The following CACNB2 variants were observed in gnomAD, a reference collection of about 807,000 sequenced individuals.
The protein encoded by CACNB2 is calcium voltage-gated channel auxiliary subunit beta 2, also known as voltage-dependent L-type calcium channel subunit beta-2.
Under a neutral mutation model 73.3 loss-of-function variants are expected in CACNB2, and 42 were observed. That is an observed-to-expected ratio of 0.57 (90% CI 0.45 to 0.74). CACNB2 has a LOEUF of 0.74. Ranked by LOEUF, CACNB2 falls within the 30% of genes least tolerant of loss-of-function variation. The probability of loss-of-function intolerance (pLI) is 0.00; values close to 1 mark genes in which losing one functional copy is unlikely to be tolerated. For synonymous variants in CACNB2, 348 were observed against 310.3 expected (o/e 1.12, Z -1.28); for missense variants, 940 against 853.0 (o/e 1.10, Z -1.27).
At chr10:18,398,537 A>C (rs1167402062) in intron 2 of CACNB2, among the ~76,000 whole-genome samples, 2 of 151,972 alleles carry the variant, frequency 1.3e-5, no homozygotes, top group African/African-American at 4.8e-5. Flanking sequence ...TAGGAATGGG[A>C]GCACATGCTT....
intron 2 of CACNB2, among the ~76,000 whole-genome samples, chr10:18,354,604 T>C (rs1348211823): frequency 2.6e-5 from 4 of 152,192 alleles, no homozygotes; most frequent in Non-Finnish European, 4.4e-5. Flanking sequence ...GTTGTTGTTG[T>C]TGCTGTTTTT....
At chr10:18,487,832 C>T (rs1051128928) in intron 3 of CACNB2, among the ~76,000 whole-genome samples, 1 of 88,582 alleles carries the variant, frequency 1.1e-5, no homozygotes, top group Non-Finnish European at 2.2e-5. Flanking sequence ...GAGCAAGACT[C>T]CATCTCAAAA....
intron 2 of CACNB2, among the ~76,000 whole-genome samples, chr10:18,220,224 T>TAGAGAGAG (rs1474379036): frequency 7.5e-4 from 36 of 48,014 alleles, no homozygotes; most frequent in Non-Finnish European, 1.1e-3. Flanking sequence ...TATATATATA[T>TAGAGAGAG]ATATATATAG....
intron 2 of CACNB2, among the ~76,000 whole-genome samples, chr10:18,348,030 C>T (rs2041540815): frequency 6.6e-6 from 1 of 152,148 alleles, no homozygotes; most frequent in African/African-American, 2.4e-5. Context: ...CCAAATATAA[C>T]AATATAGAAA....
Position 18,478,088 on chromosome 10 carries a change from C to A in CACNB2, c.334-20267C>A, listed in dbSNP as rs568246521. ...CTGGGAATACAGGCAGCGGCCACCA[C>A]GCTTGGCTAATTTTTATATTTTTAG... On this transcript the variant is annotated intron_variant, in intron 3 of 13. Coordinates refer to ENST00000324631, the MANE Select transcript of CACNB2 (RefSeq NM_201596.3). Among the ~76,000 whole-genome samples the A allele has an allele frequency of 1.1e-3, 170 of 152,186 alleles. 2 individuals are homozygous for A. Among genetic ancestry groups the A allele is most frequent in the African/African-American group, 3.9e-3 (162 of 41,520 alleles).
intron 3 of CACNB2, among the ~76,000 whole-genome samples, chr10:18,405,848 CT>C (rs2044258560): frequency 6.6e-6 from 1 of 152,092 alleles, no homozygotes; most frequent in Non-Finnish European, 1.5e-5. Context: ...ATCCCAGCTA[CT>C]TGGGAGGCTG....
intron 1 of CACNB2, among the ~76,000 whole-genome samples, chr10:18,145,258 CTTCAACTACA>C (rs756606666): frequency 7.2e-5 from 11 of 152,236 alleles, no homozygotes; most frequent in Non-Finnish European, 1.6e-4. Flanking sequence ...TCTAGTGGCT[CTTCAACTACA>C]TCAACACTGT....
intron 3 of CACNB2, among the ~76,000 whole-genome samples, chr10:18,407,054 C>G (rs1367226954): frequency 6.9e-6 from 1 of 144,846 alleles, no homozygotes; most frequent in Non-Finnish European, 1.5e-5. Context: ...TGTTTTTCTG[C>G]AGATTTGTGA....
intron 2 of CACNB2, among the ~76,000 whole-genome samples, chr10:18,377,116 CATAA>C (rs2042830990): frequency 6.6e-6 from 1 of 152,124 alleles, no homozygotes; most frequent in Admixed American, 6.6e-5. Flanking sequence ...TCATGTACCA[CATAA>C]ATATATACAC....
Position 18,214,535 on chromosome 10 carries a change from G to C in CACNB2, c.213+63560G>C, listed in dbSNP as rs557959903. On this transcript the variant is annotated intron_variant, in intron 2 of 13. Transcript: ENST00000324631. The stretch of plus-strand genomic sequence containing the variant: ...CCAGCTACTCAGGTGGCTGAGGCAG[G>C]AGAATCGCTTGAACCCAGGAGGCAG... Among the ~76,000 whole-genome samples the C allele has an allele frequency of 2.9e-3, 189 of 66,256 alleles. 49 individuals are homozygous for C. Among genetic ancestry groups the C allele is most frequent in the African/African-American group, 6.2e-3 (176 of 28,256 alleles). 43.5% of individuals were successfully genotyped at this position (66,256 alleles called of 152,430 possible). A position where few individuals can be genotyped will look rare whatever the true frequency, so the allele number is the denominator to read the frequency against.
chr10:18,319,079 C>G lies in CACNB2; in HGVS notation c.214-82845C>G, dbSNP rs541537687. Among the ~76,000 whole-genome samples, 5 of 152,254 alleles carry G rather than the reference C, an allele frequency of 3.3e-5. No homozygotes were observed. The South Asian group carries it at 1.0e-3, about 32-fold the overall frequency. On this transcript the variant is annotated intron_variant, in intron 2 of 13. Transcript: ENST00000324631. ...CTACAACCAGAAATACCATTTGACC[C>G]AGCAATCCCATTACTGGGTATGTAC... is the stretch of plus-strand genomic sequence containing the variant.
chr10:18,341,613 C>T (rs923391885), intron 2 of CACNB2, among the ~76,000 whole-genome samples: 11 of 152,146 alleles, frequency 7.2e-5, no homozygotes, highest in Non-Finnish European at 1.3e-4. Context: ...AAACCCTGAA[C>T]CTAAAACTAA....
At chr10:18,458,135 A>G (rs1288101911) in intron 3 of CACNB2, among the ~76,000 whole-genome samples, 2 of 152,224 alleles carry the variant, frequency 1.3e-5, no homozygotes, top group Non-Finnish European at 2.9e-5. Context: ...TTAAAAATAT[A>G]CAAGTATTTT....
At chr10:18,468,638 T>C (rs2048025243) in intron 3 of CACNB2, among the ~76,000 whole-genome samples, 1 of 152,154 alleles carries the variant, frequency 6.6e-6, no homozygotes, top group Admixed American at 6.5e-5. Flanking sequence ...TTACTCCTGT[T>C]ACCCAGGCTA....
chr10:18,417,201 T>G (rs1456804925), intron 3 of CACNB2, among the ~76,000 whole-genome samples: 2 of 2,466 alleles, frequency 8.1e-4, no homozygotes, highest in Non-Finnish European at 1.6e-3. Context: ...CTTCGTGCAA[T>G]TTTTTTTTGC....
At chr10:18,180,790 C>T (rs2033833249) in intron 2 of CACNB2, among the ~76,000 whole-genome samples, 1 of 151,908 alleles carries the variant, frequency 6.6e-6, no homozygotes, top group Non-Finnish European at 1.5e-5. Flanking sequence ...CATAGTGAAA[C>T]CCCATCTCTA....
At chr10:18,405,072 G>A (rs919666347) in intron 3 of CACNB2, among the ~76,000 whole-genome samples, 2 of 152,182 alleles carry the variant, frequency 1.3e-5, no homozygotes, top group Non-Finnish European at 2.9e-5. Flanking sequence ...AGTAATATAT[G>A]AATGTAATTT....
At chr10:18,451,430 G>C (rs957710114) in intron 3 of CACNB2, among the ~76,000 whole-genome samples, 5 of 152,172 alleles carry the variant, frequency 3.3e-5, no homozygotes, top group Admixed American at 2.6e-4. Flanking sequence ...GTCATGGATA[G>C]AGAGTTTCTG....
intron 5 of CACNB2, among the ~76,000 whole-genome samples, chr10:18,504,279 T>C (rs2050368016): frequency 6.6e-6 from 1 of 152,178 alleles, no homozygotes; most frequent in East Asian, 1.9e-4. Context: ...CTAGTAAGCG[T>C]CAGAACCAAG....
Sources: gnomAD v4.1 joint callset for allele counts (sites outside exome capture counted in the v4.1 genomes callset) on GRCh38, gnomAD v4.1.1 for gene constraint, MANE v1.5 for transcripts, NCBI Gene and HGNC (gene_info 2026-07-23, HGNC 2026-07-21) for gene names.